EPHA5: variants seen among roughly 807,000 people sequenced by gnomAD.
The protein encoded by EPHA5 is EPH receptor A5.
Under a neutral mutation model 105.0 loss-of-function variants are expected in EPHA5, and 60 were observed. That is an observed-to-expected ratio of 0.57 (90% CI 0.46 to 0.71). The LOEUF (loss-of-function observed/expected upper bound fraction) is 0.71. Ranked by LOEUF, EPHA5 falls within the 30% of genes least tolerant of loss-of-function variation. EPHA5 has a pLI of 0.00. For missense variants in EPHA5, 1,218 were observed against 1,274.7 expected (o/e 0.96, Z 0.68); for synonymous variants, 513 against 449.1 (o/e 1.14, Z -1.80).
chr4:65,474,388 T>C (rs1288448289), intron 5 of EPHA5, among the ~76,000 whole-genome samples: 1 of 152,122 alleles, frequency 6.6e-6, no homozygotes, highest in East Asian at 1.9e-4. Flanking sequence ...CAAATAAAAT[T>C]CACTGTTAGA....
chr4:65,609,800 CAG>C (rs1193927484), intron 2 of EPHA5, among the ~76,000 whole-genome samples: 5,198 of 151,642 alleles, frequency 0.034, 278 homozygotes, highest in African/African-American at 0.12. Flanking sequence ...ACAATTAGAA[CAG>C]TTTATGATTT....
chr4:65,478,080 T>A (rs950983299), intron 5 of EPHA5, among the ~76,000 whole-genome samples: 2 of 152,210 alleles, frequency 1.3e-5, no homozygotes, highest in South Asian at 4.1e-4. Context: ...ATCTTTGAAC[T>A]GTTTTCCAAA....
intron 5 of EPHA5, among the ~76,000 whole-genome samples, chr4:65,421,750 T>C (rs1250862248): frequency 6.6e-6 from 1 of 152,122 alleles, no homozygotes; most frequent in South Asian, 2.1e-4. Context: ...AGGAATTGAT[T>C]TGGTTTAGTT....
chr4:65,651,040 A>G (rs1347889774), intron 1 of EPHA5, among the ~76,000 whole-genome samples: 1 of 152,190 alleles, frequency 6.6e-6, no homozygotes, highest in Admixed American at 6.5e-5. Context: ...AGTTCTCTCC[A>G]GTGATCTGTG....
intron 8 of EPHA5, among the ~76,000 whole-genome samples, chr4:65,379,973 T>G (rs1046195713): frequency 6.6e-6 from 1 of 151,802 alleles, no homozygotes; most frequent in African/African-American, 2.4e-5. Context: ...TGAAGACGCT[T>G]TCACAGTAAC....
intron 5 of EPHA5, among the ~76,000 whole-genome samples, chr4:65,446,597 A>C (rs73222119): frequency 6.6e-6 from 1 of 152,264 alleles, no homozygotes; most frequent in African/African-American, 2.4e-5. Flanking sequence ...GAATCAGGCA[A>C]GTCTACTAAA....
intron 13 of EPHA5, among the ~76,000 whole-genome samples, chr4:65,349,572 T>C (rs565008700): frequency 6.6e-6 from 1 of 152,182 alleles, no homozygotes; most frequent in East Asian, 1.9e-4. Flanking sequence ...TTAATTTACA[T>C]TGCAAGGGAA....
At chr4:65,553,241 G>A (rs1738092063) in intron 3 of EPHA5, among the ~76,000 whole-genome samples, 2 of 152,052 alleles carry the variant, frequency 1.3e-5, no homozygotes, top group Non-Finnish European at 2.9e-5. Flanking sequence ...CATCTACTAT[G>A]TGAATTTTGA....
chr4:65,407,133 T>C (rs1191934685), intron 7 of EPHA5, among the ~76,000 whole-genome samples: 1 of 152,126 alleles, frequency 6.6e-6, no homozygotes, highest in Non-Finnish European at 1.5e-5. Flanking sequence ...TTTTATGATG[T>C]TTCCCTGATC....
chr4:65,490,963 A>G (rs1731346037), intron 4 of EPHA5, among the ~76,000 whole-genome samples: 2 of 152,158 alleles, frequency 1.3e-5, no homozygotes, highest in Non-Finnish European at 2.9e-5. Context: ...TGTATATGTA[A>G]ACAATTATGG....
intron 14 of EPHA5, among the ~76,000 whole-genome samples, chr4:65,347,788 A>G (rs1722362067): frequency 6.6e-6 from 1 of 152,150 alleles, no homozygotes; most frequent in Non-Finnish European, 1.5e-5. Flanking sequence ...ACTGACAAGA[A>G]TTGAGTGAAA....
At chr4:65,487,220 G>C (rs926809739) in intron 5 of EPHA5, among the ~76,000 whole-genome samples, 2 of 152,116 alleles carry the variant, frequency 1.3e-5, no homozygotes, top group Non-Finnish European at 2.9e-5. Context: ...AGAAAATTAT[G>C]ACAGTTAAAG....
At chr4:65,531,136 C>G (rs947263258) in intron 3 of EPHA5, among the ~76,000 whole-genome samples, 3 of 151,200 alleles carry the variant, frequency 2.0e-5, no homozygotes, top group Admixed American at 6.6e-5. Context: ...TTCCCGGGTT[C>G]ACGCCATTCT....
intron 13 of EPHA5, among the ~76,000 whole-genome samples, chr4:65,348,811 A>ATTTTTTTT (rs1237822654): frequency 1.8e-5 from 1 of 56,398 alleles, no homozygotes; most frequent in Non-Finnish European, 3.3e-5. Context: ...ATATATATAT[A>ATTTTTTTT]TATATTTTTT....
At chr4:65,564,713 A>G (rs1739353288) in intron 3 of EPHA5, among the ~76,000 whole-genome samples, 2 of 151,756 alleles carry the variant, frequency 1.3e-5, no homozygotes, top group South Asian at 4.1e-4. Context: ...AAGGGTAGAT[A>G]AATATCTGTT....
chr4:65,539,360 A>G (rs1328809195), intron 3 of EPHA5, among the ~76,000 whole-genome samples: 1 of 151,714 alleles, frequency 6.6e-6, no homozygotes, highest in Non-Finnish European at 1.5e-5. Flanking sequence ...TTGTTTAAAT[A>G]CAATATTTAG....
intron 14 of EPHA5, among the ~76,000 whole-genome samples, chr4:65,337,844 A>C (rs1721331335): frequency 6.6e-6 from 1 of 152,022 alleles, no homozygotes; most frequent in Non-Finnish European, 1.5e-5. Flanking sequence ...GAAATACCAA[A>C]AGCTAAGTGC....
intron 3 of EPHA5, among the ~76,000 whole-genome samples, chr4:65,518,893 G>A (rs555327735): frequency 1.3e-5 from 2 of 152,168 alleles, no homozygotes; most frequent in East Asian, 3.9e-4. Flanking sequence ...GGTACGAGGA[G>A]GAGCTGGTAT....
At chr4:65,411,631 A>G (rs1402147682) in intron 7 of EPHA5, among the ~76,000 whole-genome samples, 2 of 152,180 alleles carry the variant, frequency 1.3e-5, no homozygotes. Flanking sequence ...TAACGAGGAA[A>G]AATACCAATA....
Sources: gnomAD v4.1 joint callset for allele counts (sites outside exome capture counted in the v4.1 genomes callset) on GRCh38, gnomAD v4.1.1 for gene constraint, MANE v1.5 for transcripts, NCBI Gene and HGNC (gene_info 2026-07-23, HGNC 2026-07-21) for gene names.